KCNMA1: variants seen among roughly 807,000 people sequenced by gnomAD.
The protein encoded by KCNMA1 is Calcium-activated potassium channel subunit alpha-1.
Under a neutral mutation model 140.0 loss-of-function variants are expected in KCNMA1, and 29 were observed. That is an observed-to-expected ratio of 0.21 (90% CI 0.15 to 0.28). The LOEUF (loss-of-function observed/expected upper bound fraction) is 0.28. Ranked by LOEUF, KCNMA1 falls within the 10% of genes least tolerant of loss-of-function variation. The probability of loss-of-function intolerance (pLI) is 1.00; values close to 1 mark genes in which losing one functional copy is unlikely to be tolerated. For missense variants in KCNMA1, 880 were observed against 1,602.2 expected (o/e 0.55, Z 7.70); for synonymous variants, 612 against 611.9 (o/e 1.00, Z 0.00).
intron 16 of KCNMA1, chr10:77,021,205 A>G (rs911400132): frequency 1.3e-5 from 2 of 152,210 alleles, no homozygotes; most frequent in Non-Finnish European, 2.9e-5. Context: ...AATTCCATGC[A>G]CTGGCTTTGC....
intron 5 of KCNMA1, among the ~76,000 whole-genome samples, chr10:77,155,597 C>T (rs2098473653): frequency 6.6e-6 from 1 of 151,908 alleles, no homozygotes; most frequent in South Asian, 2.1e-4. Flanking sequence ...CCATGCTGCC[C>T]CCGAGATTTC....
At chr10:77,286,567 T>C (rs1641912096) in intron 2 of KCNMA1, among the ~76,000 whole-genome samples, 1 of 152,184 alleles carries the variant, frequency 6.6e-6, no homozygotes, top group African/African-American at 2.4e-5. Flanking sequence ...CAGTGTTCTG[T>C]GATACCTAAG....
chr10:77,077,494 G>A (rs895413052), intron 13 of KCNMA1, among the ~76,000 whole-genome samples: 7 of 152,158 alleles, frequency 4.6e-5, no homozygotes, highest in Non-Finnish European at 8.8e-5. Flanking sequence ...ATCCCAGGCC[G>A]GCTGAGCTGC....
At chr10:77,550,289 G>A (rs1486991495) in intron 1 of KCNMA1, among the ~76,000 whole-genome samples, 1 of 152,162 alleles carries the variant, frequency 6.6e-6, no homozygotes, top group Non-Finnish European at 1.5e-5. Flanking sequence ...TCTGATATTG[G>A]CTCTGGTTGG....
chr10:77,100,770 T>G (rs1391081190), intron 9 of KCNMA1, among the ~76,000 whole-genome samples: 1 of 152,206 alleles, frequency 6.6e-6, no homozygotes, highest in Non-Finnish European at 1.5e-5. Flanking sequence ...AGATTCTGAA[T>G]CTACCCGGCA....
rs67309788 is a variant in KCNMA1, at chr10:77,506,840, A to AGT, written c.379-102819_379-102818dup. On this transcript the variant is annotated intron_variant, in intron 1 of 27. Coordinates refer to ENST00000286628, the MANE Select transcript of KCNMA1 (RefSeq NM_001161352.2). ...GAGAGAGAAAGAGAGAGAGAGAGAG[A>AGT]GTGTGTGTGTGTGTGTGTGTGTGTG... Among the ~76,000 whole-genome samples, 146 of 120,922 alleles carry AGT rather than the reference A, an allele frequency of 1.2e-3. 2 individuals are homozygous for AGT. The highest frequency in any genetic ancestry group is 6.1e-3 in the South Asian group (21 of 3,464). 79.3% of individuals were successfully genotyped at this position (120,922 alleles called of 152,430 possible). A position where few individuals can be genotyped will look rare whatever the true frequency, so the allele number is the denominator to read the frequency against.
At chr10:77,092,930 AG>A (rs1407267925) in intron 9 of KCNMA1, among the ~76,000 whole-genome samples, 2 of 152,234 alleles carry the variant, frequency 1.3e-5, no homozygotes, top group African/African-American at 4.8e-5. Context: ...TTGAATCAAA[AG>A]CTCAGCTGGC....
intron 1 of KCNMA1, among the ~76,000 whole-genome samples, chr10:77,547,845 C>T (rs920651905): frequency 2.0e-5 from 3 of 152,154 alleles, no homozygotes; most frequent in South Asian, 2.1e-4. Context: ...CAATCCAGCC[C>T]GATGCCTATT....
At chr10:76,878,756 G>A (rs748415640) in intron 29 of KCNMA1, among the ~76,000 whole-genome samples, 15 of 152,094 alleles carry the variant, frequency 9.9e-5, no homozygotes, top group Non-Finnish European at 1.8e-4. Context: ...AATGAAAATG[G>A]TCTAGCATCC....
At chr10:76,882,434 T>C (rs1360551920), downstream of KCNMA1, among the ~76,000 whole-genome samples, 2 of 152,200 alleles carry the variant, frequency 1.3e-5, no homozygotes, top group South Asian at 2.1e-4. Flanking sequence ...GTCCCGCGCT[T>C]GTGATAGGCA....
chr10:77,026,151 G>A (rs892897846), intron 16 of KCNMA1, among the ~76,000 whole-genome samples: 60 of 152,150 alleles, frequency 3.9e-4, no homozygotes, highest in African/African-American at 1.3e-3. Context: ...TAGTGACATT[G>A]AGTTCACAAT....
At chr10:76,924,730 C>G (rs1383558196) in intron 23 of KCNMA1, among the ~76,000 whole-genome samples, 2 of 130,926 alleles carry the variant, frequency 1.5e-5, no homozygotes, top group African/African-American at 2.7e-5. Context: ...AGAACAGGGC[C>G]CAGAGAGAGT....
rs1011661602 is a variant in KCNMA1 at position 77,186,918 on chromosome 10, C to G, written c.603-2002G>C. 3.3e-5 allele frequency among the ~76,000 whole-genome samples: 5 copies of G among 151,968 alleles called. No individual in the cohort carries two copies. In the South Asian group the frequency reaches 8.3e-4, roughly 25 times the overall value. ...GACTCACATAGCTGTGCATTATAAA[C>G]TCACAGTCATCAAGATTGATGTATA... is the stretch of plus-strand genomic sequence containing the variant. On this transcript the variant is annotated intron_variant, in intron 3 of 27. Transcript: ENST00000286628.
chr10:77,252,880 TA>T lies in KCNMA1; in HGVS notation c.541-1625del, dbSNP rs59715001. On this transcript the variant is annotated intron_variant, in intron 2 of 27. Coordinates refer to ENST00000286628, the MANE Select transcript of KCNMA1 (RefSeq NM_001161352.2). Reference sequence around the variant, plus strand: ...CTGAGGTTTATTTCATTCTGCCATTTAAAAAAAAAAACAACTAAAACATGCT... The same window carrying T: ...CTGAGGTTTATTTCATTCTGCCATTTAAAAAAAAAACAACTAAAACATGCT... 4.3e-3 allele frequency among the ~76,000 whole-genome samples: 630 copies of T among 146,088 alleles called. 5 individuals carry two copies. Among genetic ancestry groups the T allele is most frequent in the African/African-American group, 0.014 (560 of 40,096 alleles).
At position 77,022,668 on chromosome 10, in the gene KCNMA1, G is replaced by A. The variant is rs371019594; in HGVS notation, c.1929-3569C>T. Among the ~76,000 whole-genome samples, 492 of 152,262 alleles carry A rather than the reference G, an allele frequency of 3.2e-3. 7 individuals are homozygous for A. In the Middle Eastern group the frequency reaches 0.051, roughly 16 times the overall value. On this transcript the variant is annotated intron_variant, in intron 16 of 27. Coordinates refer to ENST00000286628, the MANE Select transcript of KCNMA1 (RefSeq NM_001161352.2). ...GAGTAGCAGGCTTAGAGCCTTGCAC[G>A]CAACAGGCACATTTCAACTATTTGT...
intron 2 of KCNMA1, among the ~76,000 whole-genome samples, chr10:77,292,467 T>C (rs1014376924): frequency 6.6e-6 from 1 of 152,176 alleles, no homozygotes; most frequent in African/African-American, 2.4e-5. Flanking sequence ...CCCCACTATG[T>C]TTTCTGGCAC....
intron 2 of KCNMA1, among the ~76,000 whole-genome samples, chr10:77,388,036 G>A (rs1232398009): frequency 6.6e-6 from 1 of 152,210 alleles, no homozygotes; most frequent in Non-Finnish European, 1.5e-5. Flanking sequence ...GATGAAAGCT[G>A]ATGAAAGATG....
At chr10:77,155,949 C>T (rs774793711) in intron 5 of KCNMA1, among the ~76,000 whole-genome samples, 4 of 152,052 alleles carry the variant, frequency 2.6e-5, no homozygotes, top group Admixed American at 6.5e-5. Flanking sequence ...CAAAGTTGGC[C>T]GGGCATGGTG....
intron 5 of KCNMA1, among the ~76,000 whole-genome samples, chr10:77,178,648 C>T (rs914150512): frequency 2.6e-5 from 4 of 151,966 alleles, no homozygotes; most frequent in South Asian, 2.1e-4. Context: ...GAGGTTGCAG[C>T]GAGCCAATAT....
Sources: gnomAD v4.1 joint callset for allele counts (sites outside exome capture counted in the v4.1 genomes callset) on GRCh38, gnomAD v4.1.1 for gene constraint, MANE v1.5 for transcripts, NCBI Gene and HGNC (gene_info 2026-07-23, HGNC 2026-07-21) for gene names.